Variants in SEPTIN14 observed in about 807,000 individuals in gnomAD.
The protein encoded by SEPTIN14 is septin 14.
SEPTIN14 carries 40 observed loss-of-function variants against 53.6 expected under a neutral mutation model. That is an observed-to-expected ratio of 0.75 (90% CI 0.58 to 0.97). The LOEUF (loss-of-function observed/expected upper bound fraction) is 0.97. SEPTIN14 is among the 50% of genes least tolerant of loss of function. The probability of loss-of-function intolerance (pLI) is 0.00; values close to 1 mark genes in which losing one functional copy is unlikely to be tolerated. For missense variants in SEPTIN14, 471 were observed against 508.2 expected, an observed-to-expected ratio of 0.93 and a Z score of 0.70; for synonymous variants, 138 against 166.8, an observed-to-expected ratio of 0.83 and a Z score of 1.33.
intron 7 of SEPTIN14, among the ~76,000 whole-genome samples, chr7:55,807,868 C>T (rs1788636050): frequency 6.6e-6 from 1 of 151,994 alleles, no homozygotes; most frequent in Admixed American, 6.6e-5. Flanking sequence ...ATACTCCTAT[C>T]ACAGAAGATA....
intron 6 of SEPTIN14, among the ~76,000 whole-genome samples, chr7:55,821,887 A>G (rs1440923568): frequency 6.6e-6 from 1 of 152,162 alleles, no homozygotes; most frequent in Non-Finnish European, 1.5e-5. Flanking sequence ...CTGGGAAGAA[A>G]AAGAGGCTTA....
chr7:55,820,124 C>T (rs186663490), intron 6 of SEPTIN14, among the ~76,000 whole-genome samples: 3 of 152,094 alleles, frequency 2.0e-5, no homozygotes, highest in African/African-American at 7.2e-5. Context: ...CTCAGCCTCC[C>T]GAGTAGCTGG....
intron 9 of SEPTIN14, among the ~76,000 whole-genome samples, chr7:55,802,835 T>G (rs1788544589): frequency 6.6e-6 from 1 of 151,930 alleles, no homozygotes; most frequent in Admixed American, 6.6e-5. Context: ...GAGAAAATAT[T>G]TGCAAACTGT....
chr7:55,808,906 T>A (rs1323667447), intron 7 of SEPTIN14, among the ~76,000 whole-genome samples: 2 of 152,152 alleles, frequency 1.3e-5, no homozygotes, highest in Non-Finnish European at 2.9e-5. Flanking sequence ...AGTAATCCCA[T>A]TACCAGGTTT....
In SEPTIN14 at chr7:55,834,594, G is replaced by A; in HGVS notation, c.559-8C>T. 1.3e-6 allele frequency: 2 copies of A among 1,575,630 alleles called. No homozygotes were observed. Among genetic ancestry groups the A allele is most frequent in the Non-Finnish European group, 1.7e-6 (2 of 1,163,278 alleles). On this transcript the variant is annotated splice_region_variant and splice_polypyrimidine_tract_variant and intron_variant, in intron 5 of 9. Coordinates refer to ENST00000388975, the MANE Select transcript of SEPTIN14 (RefSeq NM_207366.3). ...CAGTGGTATAATATTCACCTATGAA[G>A]AAAGAAGACAAACAAAATCTCATCA...
intron 6 of SEPTIN14, among the ~76,000 whole-genome samples, chr7:55,829,820 C>CAA (rs35998043): frequency 0.18 from 6,830 of 37,358 alleles, 1,824 homozygotes; most frequent in Non-Finnish European, 0.24. Flanking sequence ...GACTCCATCT[C>CAA]AAAAAAAAAA....
chr7:55,821,843 G>C (rs1358128234), intron 6 of SEPTIN14, among the ~76,000 whole-genome samples: 1 of 152,152 alleles, frequency 6.6e-6, no homozygotes, highest in South Asian at 2.1e-4. Flanking sequence ...ATATTAGTCT[G>C]TTTTAACGCT....
At chr7:55,817,142 A>G (rs6593282) in intron 7 of SEPTIN14, among the ~76,000 whole-genome samples, 1 of 151,966 alleles carries the variant, frequency 6.6e-6, no homozygotes, top group Non-Finnish European at 1.5e-5. Context: ...GAAGAAAAAA[A>G]GTGTGGCATA....
At chr7:55,809,794 C>G (rs1448750945) in intron 7 of SEPTIN14, among the ~76,000 whole-genome samples, 4 of 148,630 alleles carry the variant, frequency 2.7e-5, no homozygotes, top group East Asian at 3.9e-4. Context: ...AAAGAATTCT[C>G]TCTTCTCCAT....
Position 55,805,283 on chromosome 7 carries a change from G to A in SEPTIN14, c.1094C>T (p.Ala365Val). The A allele has an allele frequency of 6.2e-7, 1 of 1,611,542 alleles. No homozygotes were observed. The highest frequency in any genetic ancestry group is 2.2e-5 in the East Asian group (1 of 44,688). ...RFMQRVKEKE[A>V]TFKEAEKELQ... ...CTCTTTTTCAGCTTCTTTAAATGTT[G>A]CTTCTTTCTCCTTGACTCGCTGCAT... is the stretch of plus-strand genomic sequence containing the variant. The change falls in exon 9 of 10, where the codon GCA becomes GTA. Residue 365 changes from alanine (A) to valine (V), a missense_variant. Coordinates refer to ENST00000388975, the MANE Select transcript of SEPTIN14 (RefSeq NM_207366.3).
intron 2 of SEPTIN14, among the ~76,000 whole-genome samples, chr7:55,858,487 A>G (rs952436712): frequency 1.3e-5 from 2 of 152,202 alleles, no homozygotes; most frequent in Admixed American, 6.5e-5. Flanking sequence ...CCCTCAACAC[A>G]AGGTATCACC....
Position 55,811,688 on chromosome 7 carries a change from G to A in SEPTIN14, c.818-4430C>T, listed in dbSNP as rs577821064. ...GGTTTTTCTGTTTTTTAGTAGAGAAGGGGTTTCACCATGTTGGCCAGGCTG... is the reference window on the plus strand; with the variant it reads ...GGTTTTTCTGTTTTTTAGTAGAGAAAGGGTTTCACCATGTTGGCCAGGCTG... On this transcript the variant is annotated intron_variant, in intron 7 of 9. Coordinates refer to ENST00000388975, the MANE Select transcript of SEPTIN14 (RefSeq NM_207366.3). 2.8e-3 allele frequency among the ~76,000 whole-genome samples: 420 copies of A among 151,212 alleles called. 4 individuals carry two copies. Among genetic ancestry groups the A allele is most frequent in the Middle Eastern group, 0.01 (3 of 292 alleles).
chr7:55,799,204 G>A (rs1300766648), intron 9 of SEPTIN14, among the ~76,000 whole-genome samples: 1 of 151,612 alleles, frequency 6.6e-6, no homozygotes, highest in Non-Finnish European at 1.5e-5. Context: ...TAGACTAAAA[G>A]TGAAGGAATA....
chr7:55,829,593 T>C (rs1789056688), intron 6 of SEPTIN14, among the ~76,000 whole-genome samples: 1 of 151,940 alleles, frequency 6.6e-6, no homozygotes, highest in Non-Finnish European at 1.5e-5. Flanking sequence ...AATGGTTAAA[T>C]TCATCCCTCC....
chr7:55,813,487 G>A (rs1788740963), intron 7 of SEPTIN14, among the ~76,000 whole-genome samples: 1 of 152,274 alleles, frequency 6.6e-6, no homozygotes, highest in East Asian at 1.9e-4. Flanking sequence ...CAGTTTTGGT[G>A]GCCAAGGAGT....
rs1056617041 is a variant in SEPTIN14, at chr7:55,805,799, C to G, written c.987-409G>C. Among the ~76,000 whole-genome samples, 9 of 152,128 alleles carry G rather than the reference C, an allele frequency of 5.9e-5. No homozygotes were observed. The South Asian group carries it at 1.2e-3, about 21-fold the overall frequency. Reference sequence around the variant, plus strand: ...CACTTTCCAGGATATCATACATTTTCATATCTTTTGACAATAACATTCAGG... The same window carrying G: ...CACTTTCCAGGATATCATACATTTTGATATCTTTTGACAATAACATTCAGG... On this transcript the variant is annotated intron_variant, in intron 8 of 9. Coordinates refer to ENST00000388975, the MANE Select transcript of SEPTIN14 (RefSeq NM_207366.3).
At chr7:55,826,515 G>A (rs1788989759) in intron 6 of SEPTIN14, among the ~76,000 whole-genome samples, 1 of 152,142 alleles carries the variant, frequency 6.6e-6, no homozygotes, top group Admixed American at 6.5e-5. Context: ...AATAAAGGAT[G>A]GGCTGGGCCA....
intron 9 of SEPTIN14, among the ~76,000 whole-genome samples, chr7:55,799,920 C>T (rs529629610): frequency 1.3e-4 from 20 of 152,170 alleles, no homozygotes; most frequent in Non-Finnish European, 2.6e-4. Flanking sequence ...TTTCACTGAA[C>T]AGTAGAAGAA....
At chr7:55,817,460 T>TTATATA (rs1331094709) in intron 7 of SEPTIN14, among the ~76,000 whole-genome samples, 81 of 146,582 alleles carry the variant, frequency 5.5e-4, no homozygotes, top group African/African-American at 1.8e-3. Context: ...TAACAATATT[T>TTATATA]TATATATATA....
Sources: gnomAD v4.1 joint callset for allele counts (sites outside exome capture counted in the v4.1 genomes callset) on GRCh38, gnomAD v4.1.1 for gene constraint, MANE v1.5 for transcripts, NCBI Gene and HGNC (gene_info 2026-07-23, HGNC 2026-07-21) for gene names.